AUTS2: variants seen among roughly 807,000 people sequenced by gnomAD.
The protein encoded by AUTS2 is activator of transcription and developmental regulator AUTS2.
AUTS2 carries 17 observed loss-of-function variants against 112.4 expected under a neutral mutation model. That is an observed-to-expected ratio of 0.15 (90% CI 0.10 to 0.23). The LOEUF is 0.23. Ranked by LOEUF, AUTS2 falls within the 10% of genes least tolerant of loss-of-function variation. The pLI is 1.00. For synonymous variants in AUTS2, 751 were observed against 702.7 expected, an observed-to-expected ratio of 1.07 and a Z score of -1.09; for missense variants, 1,510 against 1,701.6, an observed-to-expected ratio of 0.89 and a Z score of 1.98.
At position 70,459,825 on chromosome 7, in the gene AUTS2, G is replaced by C. The variant is rs964276835; in HGVS notation, c.690+24044G>C. On this transcript the variant is annotated intron_variant, in intron 5 of 18. Coordinates refer to ENST00000342771, the MANE Select transcript of AUTS2 (RefSeq NM_015570.4). ...CTGTAGGTTCAGTGAGACTCCTTCCGGGATAAGCCAAGGACAACAGAGCCA... is the reference window on the plus strand; with the variant it reads ...CTGTAGGTTCAGTGAGACTCCTTCCCGGATAAGCCAAGGACAACAGAGCCA... 2.0e-5 allele frequency among the ~76,000 whole-genome samples: 3 copies of C among 152,132 alleles called. No individual in the cohort carries two copies. The East Asian group carries it at 5.8e-4, about 29-fold the overall frequency.
At chr7:70,438,642 T>C (rs997526359) in intron 5 of AUTS2, among the ~76,000 whole-genome samples, 5 of 152,208 alleles carry the variant, frequency 3.3e-5, no homozygotes, top group Non-Finnish European at 2.9e-5. Context: ...ATCGCCAACT[T>C]TAACACCATC....
At chr7:70,123,174 C>T (rs1805779511) in intron 3 of AUTS2, among the ~76,000 whole-genome samples, 1 of 152,110 alleles carries the variant, frequency 6.6e-6, no homozygotes, top group Non-Finnish European at 1.5e-5. Flanking sequence ...CCATGTTCGG[C>T]CGAGATGAAA....
chr7:70,435,841 TC>T (rs1795872418), intron 5 of AUTS2, 60 bp downstream of exon 5: 2 of 1,563,658 alleles, frequency 1.3e-6, no homozygotes, highest in Admixed American at 3.3e-5. Flanking sequence ...ACCAGAGTCC[TC>T]CCACACACAG....
intron 4 of AUTS2, among the ~76,000 whole-genome samples, chr7:70,178,007 C>A (rs1809086760): frequency 6.6e-6 from 1 of 151,820 alleles, no homozygotes; most frequent in Non-Finnish European, 1.5e-5. Context: ...CCTCTGCCTC[C>A]CGGGTTCAAG....
chr7:70,772,121 C>G (rs998156773), intron 11 of AUTS2, among the ~76,000 whole-genome samples: 4 of 152,208 alleles, frequency 2.6e-5, no homozygotes, highest in Admixed American at 6.5e-5. Flanking sequence ...ATTTCCCTCG[C>G]CAACCCCATC....
At chr7:69,962,044 G>A (rs532581186) in intron 2 of AUTS2, among the ~76,000 whole-genome samples, 17 of 152,218 alleles carry the variant, frequency 1.1e-4, no homozygotes, top group East Asian at 5.8e-4. Context: ...CTGATGATAC[G>A]TATGGCAAGG....
chr7:70,065,377 T>C (rs563486266), intron 2 of AUTS2, among the ~76,000 whole-genome samples: 154 of 152,294 alleles, frequency 1.0e-3, no homozygotes, highest in African/African-American at 3.6e-3. Flanking sequence ...CTTTCCTGAA[T>C]TGTTTTTTAA....
intron 4 of AUTS2, among the ~76,000 whole-genome samples, chr7:70,239,647 C>T (rs901498345): frequency 6.6e-6 from 1 of 152,084 alleles, no homozygotes; most frequent in Non-Finnish European, 1.5e-5. Flanking sequence ...GTTGGCCAGG[C>T]TGGTCTTGAA....
intron 5 of AUTS2, among the ~76,000 whole-genome samples, chr7:70,469,250 A>G (rs1413835211): frequency 2.6e-5 from 4 of 152,210 alleles, no homozygotes; most frequent in African/African-American, 9.7e-5. Flanking sequence ...GCAATGTCAG[A>G]TGATGGTAAA....
Position 69,608,704 on chromosome 7 carries a change from C to T in AUTS2, c.309+8742C>T, listed in dbSNP as rs1399868594. ...TGATAGAAATTGCAGTGACTTCCACCCATTCTGTCTGTACATGTTCAGTTG... is the reference window on the plus strand; with the variant it reads ...TGATAGAAATTGCAGTGACTTCCACTCATTCTGTCTGTACATGTTCAGTTG... On this transcript the variant is annotated intron_variant, in intron 1 of 18. Transcript: ENST00000342771. Among the ~76,000 whole-genome samples, 3 of 152,296 alleles carry T rather than the reference C, an allele frequency of 2.0e-5. No homozygotes were observed. In the East Asian group the frequency reaches 5.8e-4, roughly 29 times the overall value.
At chr7:70,721,279 C>CGTGTGTCTGTGTGT (rs1786650178) in intron 6 of AUTS2, among the ~76,000 whole-genome samples, 3 of 140,052 alleles carry the variant, frequency 2.1e-5, no homozygotes, top group African/African-American at 8.2e-5. Context: ...GAATTTCATT[C>CGTGTGTCTGTGTGT]GTGTGTGTGT....
chr7:70,646,709 G>A (rs945076206), intron 5 of AUTS2, among the ~76,000 whole-genome samples: 2 of 152,260 alleles, frequency 1.3e-5, no homozygotes, highest in Non-Finnish European at 2.9e-5. Context: ...ACAGCTGTAG[G>A]CAAGATTGAC....
At chr7:70,754,538 T>G (rs537993629) in intron 6 of AUTS2, among the ~76,000 whole-genome samples, 1 of 152,362 alleles carries the variant, frequency 6.6e-6, no homozygotes, top group South Asian at 2.1e-4. Flanking sequence ...TAATTGCATG[T>G]TGATTCACAG....
At chr7:70,450,143 C>G (rs976639055) in intron 5 of AUTS2, among the ~76,000 whole-genome samples, 1 of 152,204 alleles carries the variant, frequency 6.6e-6, no homozygotes, top group Non-Finnish European at 1.5e-5. Context: ...ACTCATGTTT[C>G]ATTCAACAAA....
intron 5 of AUTS2, among the ~76,000 whole-genome samples, chr7:70,564,940 A>G (rs12698909): frequency 0.067 from 10,221 of 152,144 alleles, 393 homozygotes; most frequent in Middle Eastern, 0.11. Flanking sequence ...TCTACTAAAA[A>G]TACAAAAATT....
intron 6 of AUTS2, among the ~76,000 whole-genome samples, chr7:70,749,459 A>G (rs531915269): frequency 1.3e-5 from 2 of 152,324 alleles, no homozygotes; most frequent in African/African-American, 2.4e-5. Context: ...TGTAGCATAC[A>G]TCGAAGTCAT....
At chr7:70,560,174 G>T (rs1190525081) in intron 5 of AUTS2, among the ~76,000 whole-genome samples, 2 of 152,090 alleles carry the variant, frequency 1.3e-5, no homozygotes, top group Non-Finnish European at 2.9e-5. Context: ...TCATCTCCTT[G>T]GAGAGACTTC....
chr7:70,723,690 G>A (rs570304335), intron 6 of AUTS2, among the ~76,000 whole-genome samples: 1 of 151,640 alleles, frequency 6.6e-6, no homozygotes, highest in Non-Finnish European at 1.5e-5. Flanking sequence ...AAATACTCGC[G>A]TAGCTCTGCT....
At chr7:70,678,703 G>A (rs1376043559) in intron 5 of AUTS2, among the ~76,000 whole-genome samples, 1 of 152,184 alleles carries the variant, frequency 6.6e-6, no homozygotes, top group Admixed American at 6.5e-5. Flanking sequence ...GCTAAAGCAA[G>A]TAAGTGCCTT....
Sources: allele counts gnomAD v4.1 joint callset (sites outside exome capture counted in the v4.1 genomes callset), GRCh38; gene constraint gnomAD v4.1.1; transcripts MANE v1.5; gene names NCBI Gene and HGNC (gene_info 2026-07-23, HGNC 2026-07-21).